KPRP: variants seen among roughly 807,000 people sequenced by gnomAD.
KPRP encodes the protein keratinocyte proline-rich protein.
For missense variants in KPRP, 820 were observed against 746.4 expected (o/e 1.10, Z -1.15); for synonymous variants, 282 against 276.9 (o/e 1.02, Z -0.18).
exon 1 of KPRP, chr1:152,761,719 C>T (rs960829598): frequency 9.8e-6 from 2 of 203,812 alleles, no homozygotes; most frequent in Non-Finnish European, 2.2e-5. Flanking sequence ...GTGCCTCTCC[C>T]TTGGAGCCTT....
At chr1:152,760,558 A>G (rs1179884546) in exon 1 of KPRP, 4 of 1,610,054 alleles carry the variant, frequency 2.5e-6, no homozygotes, top group Non-Finnish European at 3.4e-6. Flanking sequence ...ACGTGGCCCC[A>G]AGTGCCGAAT....
chr1:152,758,570 G>C (rs939942279), upstream of KPRP, among the ~76,000 whole-genome samples: 1 of 152,146 alleles, frequency 6.6e-6, no homozygotes, highest in Non-Finnish European at 1.5e-5. Flanking sequence ...TCTGACACAA[G>C]CAGACGAGTG....
chr1:152,761,112 A>G (rs1651115333), exon 1 of KPRP: 4 of 1,613,946 alleles, frequency 2.5e-6, no homozygotes, highest in Non-Finnish European at 3.4e-6. Flanking sequence ...ATCCAGTTCC[A>G]TACCCAGGAG....
chr1:152,759,989 A>G (rs543160044), exon 1 of KPRP: 2 of 1,614,184 alleles, frequency 1.2e-6, no homozygotes, highest in East Asian at 2.2e-5. Context: ...TGCTTCGTAG[A>G]ATGTGCTCCA....
At chr1:152,760,348 A>C (rs1651072880) in exon 1 of KPRP, 1 of 1,614,154 alleles carries the variant, frequency 6.2e-7, no homozygotes, top group Non-Finnish European at 8.5e-7. Flanking sequence ...GAGCACCAGC[A>C]GATGCCTTCC....
exon 1 of KPRP, chr1:152,761,209 A>C: frequency 6.2e-7 from 1 of 1,614,046 alleles, no homozygotes; most frequent in Non-Finnish European, 8.5e-7. Flanking sequence ...GGGGCAAGAG[A>C]GTGGTGCTGG....
chr1:152,760,465 A>T, exon 1 of KPRP: 1 of 1,613,548 alleles, frequency 6.2e-7, no homozygotes, highest in Admixed American at 1.7e-5. Context: ...AGGTTTCCCT[A>T]ACTACTGCAC....
upstream of KPRP, among the ~76,000 whole-genome samples, chr1:152,758,596 C>T (rs1271632168): frequency 2.0e-5 from 3 of 152,188 alleles, no homozygotes; most frequent in South Asian, 2.1e-4. Flanking sequence ...GCCCTGTGCT[C>T]TCCCCAGCTA....
exon 1 of KPRP, chr1:152,760,028 A>G (rs1651054578): frequency 6.2e-7 from 1 of 1,614,150 alleles, no homozygotes. Context: ...TGTTATGTAG[A>G]ATGCCCAGTC....
At chr1:152,759,653 C>T (rs754231372) in exon 1 of KPRP, 2 of 1,614,148 alleles carry the variant, frequency 1.2e-6, no homozygotes, top group Non-Finnish European at 1.7e-6. Flanking sequence ...AAGGGTCCCT[C>T]CTTCTGCTCC....
upstream of KPRP, among the ~76,000 whole-genome samples, chr1:152,758,287 C>T (rs551823951): frequency 1.3e-5 from 2 of 152,258 alleles, no homozygotes; most frequent in East Asian, 3.9e-4. Context: ...CCTTTGATAA[C>T]CCTGACCTTA....
chr1:152,759,675 C>A, exon 1 of KPRP: 1 of 1,614,196 alleles, frequency 6.2e-7, no homozygotes, highest in Non-Finnish European at 8.5e-7. Flanking sequence ...CTCAATCCCC[C>A]TTTGCCCAGA....
exon 1 of KPRP, chr1:152,760,984 C>T (rs764313301): frequency 1.2e-6 from 2 of 1,612,088 alleles, no homozygotes; most frequent in East Asian, 2.2e-5. Flanking sequence ...ATGCCTGCAG[C>T]CCTGTGAGCA....
chr1:152,761,023 A>G (rs1319128552), exon 1 of KPRP: 7 of 1,612,946 alleles, frequency 4.3e-6, no homozygotes, highest in Admixed American at 3.3e-5. Context: ...ACCAGAGCCA[A>G]TTCCCCTGCC....
exon 1 of KPRP, chr1:152,761,882 C>A (rs1651151499): frequency 5.9e-6 from 1 of 168,774 alleles, no homozygotes; most frequent in South Asian, 2.0e-4. Flanking sequence ...GTTGTAAACT[C>A]CCAACTGAGT....
Position 152,761,056 on chromosome 1 carries a change from C to T in KPRP, c.1468C>T (p.Pro490Ser), listed in dbSNP as rs372140150. ...GCCGGCGCCCTGCCCAAGCCCGGAGCCCTGCAGGGAGACTTGGCGCAGCCC... is the reference window on the plus strand; with the variant it reads ...GCCGGCGCCCTGCCCAAGCCCGGAGTCCTGCAGGGAGACTTGGCGCAGCCC... The change falls in exon 1 of 1, where the codon CCC (proline) becomes TCC (serine). Residue 490 changes from proline (P) to serine (S), a missense_variant. Pro to Ser is a moderately conservative substitution (Grantham distance 74). Coordinates refer to ENST00000606109, the Ensembl canonical transcript of KPRP. The T allele has an allele frequency of 8.7e-6, 14 of 1,613,952 alleles. No individual in the cohort carries two copies. The African/African-American group carries it at 1.3e-4, about 15-fold the overall frequency.
chr1:152,758,434 A>G (rs1346549998), upstream of KPRP, among the ~76,000 whole-genome samples: 1 of 152,182 alleles, frequency 6.6e-6, no homozygotes, highest in Non-Finnish European at 1.5e-5. Flanking sequence ...CAAATTGAAA[A>G]TAGAAGGTTT....
At chr1:152,760,463 C>A (rs770961240) in exon 1 of KPRP, 1 of 1,613,748 alleles carries the variant, frequency 6.2e-7, no homozygotes. Context: ...GAAGGTTTCC[C>A]TAACTACTGC....
exon 1 of KPRP, chr1:152,760,977 C>T: frequency 6.2e-7 from 1 of 1,612,044 alleles, no homozygotes; most frequent in Non-Finnish European, 8.5e-7. Context: ...CACGTCCATG[C>T]CTGCAGCCCT....
Sources: allele counts gnomAD v4.1 joint callset (sites outside exome capture counted in the v4.1 genomes callset), GRCh38; gene constraint gnomAD v4.1.1; transcripts MANE v1.5; gene names NCBI Gene and HGNC (gene_info 2026-07-23, HGNC 2026-07-21).